The following TRAPPC8 variants were observed in gnomAD, a reference collection of about 807,000 sequenced individuals.
TRAPPC8 encodes the protein general sporulation gene 1 homolog.
TRAPPC8 carries 54 observed loss-of-function variants against 174.3 expected under a neutral mutation model. The ratio of observed to expected loss-of-function variants is 0.31; its 90% CI spans 0.25 to 0.39. The LOEUF is 0.39. Ranked by LOEUF, TRAPPC8 falls within the 10% of genes least tolerant of loss-of-function variation. TRAPPC8 has a pLI of 1.00. For missense variants in TRAPPC8, 1,531 were observed against 1,699.1 expected (o/e 0.90, Z 1.74); for synonymous variants, 630 against 579.9 (o/e 1.09, Z -1.24).
rs58470390 is a variant in TRAPPC8 at position 31,943,029 on chromosome 18, G to C, written c.-265C>G. The C allele has an allele frequency of 1.7e-6, 1 of 577,128 alleles. No homozygotes were observed. Among genetic ancestry groups the C allele is most frequent in the African/African-American group, 1.9e-5 (1 of 51,828 alleles). 35.8% of individuals were successfully genotyped at this position (577,128 alleles called of 1,614,324 possible). A position where few individuals can be genotyped will look rare whatever the true frequency, so the allele number is the denominator to read the frequency against. On this transcript the variant is annotated 5_prime_UTR_variant, in exon 1 of 29. Transcript: ENST00000283351. ...TTCCACCCCGATAGGTGGAGACGCC[G>C]ACAGTCACCACTTAGTCCTTCGGAC...
chr18:31,894,475 A>AAACTAAG (rs1349669655), intron 11 of TRAPPC8, among the ~76,000 whole-genome samples: 1 of 152,124 alleles, frequency 6.6e-6, no homozygotes, highest in Non-Finnish European at 1.5e-5. Flanking sequence ...GAAACTAAGA[A>AAACTAAG]AAAAAAATCT....
intron 9 of TRAPPC8, 80 bp from the exon 10 acceptor site, chr18:31,901,105 G>GA: frequency 1.6e-6 from 2 of 1,266,214 alleles, no homozygotes; most frequent in Non-Finnish European, 2.2e-6. Context: ...AAGTTGGAAT[G>GA]AAATTTGCTG....
chr18:31,931,438 C>T lies in TRAPPC8; in HGVS notation c.243G>A (p.Gln81=). 6.2e-7 allele frequency: 1 copy of T among 1,613,468 alleles called. No homozygotes were observed. ...TCAAAAGCTTCCGGATGGCTCCAGG[C>T]TGAGGTGGCTGGGTGACAATGTTGC... ...AVSNIVTQPP[Q]PGAIRKLLND... Residue 81 remains glutamine, a synonymous_variant, in exon 2 of 29, where the codon CAG becomes CAA. Transcript: ENST00000283351.
intron 12 of TRAPPC8, among the ~76,000 whole-genome samples, chr18:31,882,987 G>A (rs1194606262): frequency 6.7e-6 from 1 of 149,498 alleles, no homozygotes; most frequent in Non-Finnish European, 1.5e-5. Context: ...TACTTTGGGA[G>A]GCTGAGGTGG....
intron 11 of TRAPPC8, among the ~76,000 whole-genome samples, chr18:31,897,298 C>T (rs770779177): frequency 6.6e-6 from 1 of 152,054 alleles, no homozygotes; most frequent in Non-Finnish European, 1.5e-5. Flanking sequence ...AAAATATTCA[C>T]AATATAGGTT....
intron 14 of TRAPPC8, 148 bp from the exon 15 acceptor site, chr18:31,871,268 CATT>C (rs2034847001): frequency 2.3e-6 from 1 of 443,484 alleles, no homozygotes; most frequent in Non-Finnish European, 3.8e-6. Flanking sequence ...AATATCCTCT[CATT>C]AATCCTAGCT....
chr18:31,941,055 G>A (rs927985639), intron 1 of TRAPPC8, among the ~76,000 whole-genome samples: 3 of 152,180 alleles, frequency 2.0e-5, no homozygotes, highest in Admixed American at 2.0e-4. Flanking sequence ...GTTACACAAA[G>A]CAAGTATCAG....
At chr18:31,864,882 G>A in intron 18 of TRAPPC8, 101 bp from the exon 19 acceptor site, 2 of 1,108,896 alleles carry the variant, frequency 1.8e-6, no homozygotes. Context: ...ATTATTTCTA[G>A]AAAAATTCTA....
intron 12 of TRAPPC8, among the ~76,000 whole-genome samples, chr18:31,877,302 G>T (rs2035204417): frequency 6.6e-6 from 1 of 152,108 alleles, no homozygotes; most frequent in Non-Finnish European, 1.5e-5. Flanking sequence ...GCTTTTTGTG[G>T]TGGCTCCATC....
intron 2 of TRAPPC8, among the ~76,000 whole-genome samples, chr18:31,928,065 AGAATCGTGTGAAC>A (rs1203032732): frequency 7.0e-6 from 1 of 143,330 alleles, no homozygotes; most frequent in Non-Finnish European, 1.5e-5. Flanking sequence ...CTGGGGCAGA[AGAATCGTGTGAAC>A]CCAGGGGGAA....
Position 31,909,599 on chromosome 18 carries a change from G to A in TRAPPC8, c.865+68C>T, listed in dbSNP as rs1049469904. 16 of 1,547,836 alleles carry A rather than the reference G, an allele frequency of 1.0e-5. No homozygotes were observed. In the African/African-American group the frequency reaches 2.1e-4, roughly 20 times the overall value. ...TTTCCCCCATCTTTTATCTATAAAG[G>A]TTAGCATGATCTGACAACAGTGCAT... On this transcript the variant is annotated intron_variant, in intron 6 of 28. Transcript: ENST00000283351.
At chr18:31,890,242 C>T (rs1270058010) in intron 12 of TRAPPC8, among the ~76,000 whole-genome samples, 1 of 152,198 alleles carries the variant, frequency 6.6e-6, no homozygotes, top group Non-Finnish European at 1.5e-5. Context: ...AATCTCTCTA[C>T]ATCAGTAAAG....
chr18:31,845,705 G>A (rs1322232750), intron 26 of TRAPPC8, among the ~76,000 whole-genome samples: 3 of 152,092 alleles, frequency 2.0e-5, no homozygotes, highest in Non-Finnish European at 4.4e-5. Context: ...AAAGTTTTCT[G>A]TAAGTTTGAA....
At chr18:31,831,427 A>G (rs1290758343) in intron 28 of TRAPPC8, among the ~76,000 whole-genome samples, 3 of 152,228 alleles carry the variant, frequency 2.0e-5, no homozygotes, top group Non-Finnish European at 4.4e-5. Flanking sequence ...TTTATTAATA[A>G]TAGCAACATC....
chr18:31,872,619 C>A (rs1326078062), intron 14 of TRAPPC8, among the ~76,000 whole-genome samples: 1 of 152,022 alleles, frequency 6.6e-6, no homozygotes, highest in Non-Finnish European at 1.5e-5. Flanking sequence ...CAGGGTTTCA[C>A]CATGTTGGCC....
At chr18:31,860,464 CTT>C (rs1198708884) in intron 19 of TRAPPC8, among the ~76,000 whole-genome samples, 1 of 152,134 alleles carries the variant, frequency 6.6e-6, no homozygotes, top group African/African-American at 2.4e-5. Context: ...GCAAATGACT[CTT>C]ATTTTTATCT....
At chr18:31,942,010 C>G (rs2038365925) in intron 1 of TRAPPC8, among the ~76,000 whole-genome samples, 1 of 152,102 alleles carries the variant, frequency 6.6e-6, no homozygotes, top group Non-Finnish European at 1.5e-5. Context: ...TTCCTTAGGG[C>G]AAAAAGCTGC....
At chr18:31,893,412 CGT>C (rs1479298017) in intron 11 of TRAPPC8, among the ~76,000 whole-genome samples, 8 of 150,304 alleles carry the variant, frequency 5.3e-5, no homozygotes, top group Non-Finnish European at 8.9e-5. Context: ...TGCGCGCGCG[CGT>C]GTGCCTGTGT....
At chr18:31,900,788 C>T (rs770134615) in intron 10 of TRAPPC8, 137 bp downstream of exon 10, 3 of 634,054 alleles carry the variant, frequency 4.7e-6, no homozygotes, top group Non-Finnish European at 7.7e-6. Flanking sequence ...TAATAAAACA[C>T]TAACTTTTTA....
Sources: allele counts gnomAD v4.1 joint callset (sites outside exome capture counted in the v4.1 genomes callset), GRCh38; gene constraint gnomAD v4.1.1; transcripts MANE v1.5; gene names NCBI Gene and HGNC (gene_info 2026-07-23, HGNC 2026-07-21).